ADGRG6: variants seen among roughly 807,000 people sequenced by gnomAD.
ADGRG6 encodes the protein G-protein coupled receptor 126.
Under a neutral mutation model 142.4 loss-of-function variants are expected in ADGRG6, and 84 were observed. The observed-to-expected ratio is 0.59, with a 90% CI of 0.49 to 0.71. The LOEUF is 0.71. ADGRG6 is among the 30% of genes least tolerant of loss of function. The probability of loss-of-function intolerance (pLI) is 0.00; values close to 1 mark genes in which losing one functional copy is unlikely to be tolerated. For missense variants in ADGRG6, 1,367 were observed against 1,466.6 expected (o/e 0.93, Z 1.11); for synonymous variants, 521 against 520.5 (o/e 1.00, Z -0.01).
chr6:142,309,706 C>G (rs1010492760), intron 2 of ADGRG6, 62 bp downstream of exon 2: 1 of 1,038,146 alleles, frequency 9.6e-7, no homozygotes, highest in African/African-American at 1.6e-5. Context: ...GCAGTGTAAG[C>G]ATGCTACTTA....
intron 4 of ADGRG6, among the ~76,000 whole-genome samples, chr6:142,371,515 G>A (rs1432085634): frequency 8.4e-5 from 10 of 119,250 alleles, no homozygotes; most frequent in South Asian, 2.7e-4. Flanking sequence ...ACAGAGTCTC[G>A]CTATGCTGCC....
At position 142,393,887 on chromosome 6, in the gene ADGRG6, T is replaced by C. The variant is rs1277932989; in HGVS notation, c.1362-9T>C. The stretch of plus-strand genomic sequence containing the variant: ...GTGGATTAATGAATATATGTATTTG[T>C]GTTTTTAGTTTTCACCTGAGTGCTG... On this transcript the variant is annotated splice_polypyrimidine_tract_variant and intron_variant, in intron 8 of 24. Coordinates refer to ENST00000367609, the MANE Select transcript of ADGRG6 (RefSeq NM_198569.3). 6.6e-7 allele frequency: 1 copy of C among 1,521,820 alleles called. No individual in the cohort carries two copies. Among genetic ancestry groups the C allele is most frequent in the Admixed American group, 1.9e-5 (1 of 51,370 alleles). 94.3% of individuals were successfully genotyped at this position (1,521,820 alleles called of 1,614,324 possible). A position where few individuals can be genotyped will look rare whatever the true frequency, so the allele number is the denominator to read the frequency against.
At chr6:142,343,233 C>T (rs1779746139) in intron 2 of ADGRG6, among the ~76,000 whole-genome samples, 1 of 151,626 alleles carries the variant, frequency 6.6e-6, no homozygotes, top group Middle Eastern at 4.1e-3. Flanking sequence ...TCATGACAAA[C>T]TTAAATGGTA....
Position 142,411,535 on chromosome 6 carries a change from G to A in ADGRG6, c.2541+124G>A, listed in dbSNP as rs529681048. ...TTTCCTGATAGTTTTCATCTGTACCGTGAATCTTAATTCTTAATAAAGAAT... is the reference window on the plus strand; with the variant it reads ...TTTCCTGATAGTTTTCATCTGTACCATGAATCTTAATTCTTAATAAAGAAT... On this transcript the variant is annotated intron_variant, in intron 18 of 24. Transcript: ENST00000367609. 8.3e-5 allele frequency: 51 copies of A among 616,978 alleles called. No homozygotes were observed. The South Asian group carries it at 8.6e-4, about 10-fold the overall frequency. 38.2% of individuals were successfully genotyped at this position (616,978 alleles called of 1,614,324 possible). A position where few individuals can be genotyped will look rare whatever the true frequency, so the allele number is the denominator to read the frequency against.
At chr6:142,365,910 T>C (rs1022009414) in intron 2 of ADGRG6, among the ~76,000 whole-genome samples, 5 of 152,216 alleles carry the variant, frequency 3.3e-5, no homozygotes, top group Admixed American at 1.3e-4. Flanking sequence ...TGCATTCTAG[T>C]CAACTCAGTA....
chr6:142,314,126 A>C (rs1777908912), intron 2 of ADGRG6, among the ~76,000 whole-genome samples: 1 of 152,188 alleles, frequency 6.6e-6, no homozygotes, highest in South Asian at 2.1e-4. Flanking sequence ...TTTTATACAG[A>C]TATTTCCTTG....
intron 22 of ADGRG6, among the ~76,000 whole-genome samples, chr6:142,429,369 T>C (rs1337612981): frequency 6.6e-6 from 1 of 152,212 alleles, no homozygotes; most frequent in East Asian, 1.9e-4. Context: ...GGTAAAGAGA[T>C]GACCCACCAA....
intron 2 of ADGRG6, among the ~76,000 whole-genome samples, chr6:142,338,188 C>T (rs1005191959): frequency 4.0e-5 from 6 of 150,866 alleles, no homozygotes; most frequent in Non-Finnish European, 7.4e-5. Flanking sequence ...GCCCGGCTAA[C>T]TTTTTGTATT....
At chr6:142,330,906 C>T (rs935151893) in intron 2 of ADGRG6, among the ~76,000 whole-genome samples, 2 of 151,918 alleles carry the variant, frequency 1.3e-5, no homozygotes, top group East Asian at 1.9e-4. Flanking sequence ...TAATTCTTTC[C>T]CATGTAAACA....
intron 2 of ADGRG6, among the ~76,000 whole-genome samples, chr6:142,313,500 C>G (rs1296782791): frequency 1.3e-5 from 2 of 152,126 alleles, no homozygotes; most frequent in African/African-American, 4.8e-5. Context: ...CCCTTCTCTC[C>G]TGAAAATCAG....
At chr6:142,419,138 A>T (rs1776525110) in intron 21 of ADGRG6, among the ~76,000 whole-genome samples, 1 of 152,110 alleles carries the variant, frequency 6.6e-6, no homozygotes, top group African/African-American at 2.4e-5. Context: ...ACTCACAACT[A>T]GTTGTGACTT....
intron 15 of ADGRG6, 87 bp from the exon 16 acceptor site, chr6:142,408,063 T>C: frequency 1.1e-6 from 1 of 907,258 alleles, no homozygotes; most frequent in Non-Finnish European, 1.6e-6. Context: ...AGTGTAAAAA[T>C]TGCTGACAGT....
At chr6:142,363,828 G>A (rs1398248997) in intron 2 of ADGRG6, among the ~76,000 whole-genome samples, 1 of 152,024 alleles carries the variant, frequency 6.6e-6, no homozygotes, top group Non-Finnish European at 1.5e-5. Context: ...AAAATTCAAA[G>A]CACTATATTT....
At chr6:142,365,410 A>G (rs1302941886) in intron 2 of ADGRG6, among the ~76,000 whole-genome samples, 1 of 152,190 alleles carries the variant, frequency 6.6e-6, no homozygotes, top group African/African-American at 2.4e-5. Flanking sequence ...AAGATCTCCT[A>G]TGTGCCAGAG....
rs1364336273 is a variant in ADGRG6 at position 142,302,483 on chromosome 6, C to A, written c.2+152C>A. ...AATAAACCGGTTTGTCTTCAGTTTGCCCCTCGAGGCACTGAGGAGTAGGAC... is the reference window on the plus strand; with the variant it reads ...AATAAACCGGTTTGTCTTCAGTTTGACCCTCGAGGCACTGAGGAGTAGGAC... On this transcript the variant is annotated intron_variant, in intron 1 of 24. Coordinates refer to ENST00000367609, the MANE Select transcript of ADGRG6 (RefSeq NM_198569.3). 23 of 739,062 alleles carry A rather than the reference C, an allele frequency of 3.1e-5. No individual in the cohort carries two copies. In the East Asian group the frequency reaches 6.3e-4, roughly 20 times the overall value. 45.8% of individuals were successfully genotyped at this position (739,062 alleles called of 1,614,324 possible).
intron 2 of ADGRG6, among the ~76,000 whole-genome samples, chr6:142,314,303 G>A (rs763035483): frequency 5.3e-5 from 8 of 152,182 alleles, no homozygotes; most frequent in Non-Finnish European, 8.8e-5. Flanking sequence ...CCCGCAGTGT[G>A]ATGGGACCAC....
intron 1 of ADGRG6, among the ~76,000 whole-genome samples, chr6:142,308,672 G>A (rs1053655934): frequency 6.6e-6 from 1 of 151,662 alleles, no homozygotes; most frequent in East Asian, 1.9e-4. Flanking sequence ...TTACCTTCCT[G>A]CCTCACAACT....
intron 5 of ADGRG6, among the ~76,000 whole-genome samples, chr6:142,383,515 C>G (rs1393118422): frequency 1.3e-5 from 2 of 152,106 alleles, no homozygotes; most frequent in Non-Finnish European, 2.9e-5. Flanking sequence ...TGTCCTTTCT[C>G]TCATCACTAT....
At chr6:142,393,426 A>T (rs1220392218) in intron 8 of ADGRG6, among the ~76,000 whole-genome samples, 3 of 152,118 alleles carry the variant, frequency 2.0e-5, no homozygotes, top group Non-Finnish European at 4.4e-5. Context: ...TTTCGAAATT[A>T]TCCTTCACTG....
Sources: allele counts gnomAD v4.1 joint callset (sites outside exome capture counted in the v4.1 genomes callset), GRCh38; gene constraint gnomAD v4.1.1; transcripts MANE v1.5; gene names NCBI Gene and HGNC (gene_info 2026-07-23, HGNC 2026-07-21).